Variants in SYTL3 observed in about 807,000 individuals in gnomAD.
The protein encoded by SYTL3 is synaptotagmin like 3.
In SYTL3, 88 loss-of-function variants were observed where a neutral mutation model predicts 82.1. That is an observed-to-expected ratio of 1.07 (90% CI 0.90 to 1.28). SYTL3 has a LOEUF of 1.28. SYTL3 is among the 50% of genes most tolerant of loss of function. The pLI is 0.00. For missense variants in SYTL3, 831 were observed against 757.6 expected, an observed-to-expected ratio of 1.10 and a Z score of -1.14; for synonymous variants, 311 against 289.4, an observed-to-expected ratio of 1.07 and a Z score of -0.76.
intron 6 of SYTL3, among the ~76,000 whole-genome samples, chr6:158,698,936 G>A (rs1780856771): frequency 6.6e-6 from 1 of 152,128 alleles, no homozygotes; most frequent in Admixed American, 6.5e-5. Flanking sequence ...TCTTACACAG[G>A]ATGTTATTCC....
At chr6:158,717,383 T>C (rs982741446) in intron 9 of SYTL3, among the ~76,000 whole-genome samples, 10 of 152,144 alleles carry the variant, frequency 6.6e-5, no homozygotes, top group Non-Finnish European at 1.2e-4. Context: ...ATTGTCTCTC[T>C]GCCGGACAGC....
Position 158,764,478 on chromosome 6 carries a change from GTCTTCCTC to G in SYTL3, c.1724-12_1724-5del. On this transcript the variant is annotated splice_polypyrimidine_tract_variant and intron_variant, in intron 17 of 17. Transcript: ENST00000611299. ...TGCCCTCCCCGACCATGGCTAAATT[GTCTTCCTC>G]TCTTACAGAGGGAGACACAGCTGTT... is the stretch of plus-strand genomic sequence containing the variant. 6.3e-7 allele frequency: 1 copy of G among 1,595,216 alleles called. No homozygotes were observed. Among genetic ancestry groups the G allele is most frequent in the South Asian group, 1.1e-5 (1 of 90,720 alleles).
At chr6:158,696,381 T>G (rs1033351411) in intron 6 of SYTL3, among the ~76,000 whole-genome samples, 4 of 151,200 alleles carry the variant, frequency 2.6e-5, no homozygotes, top group Admixed American at 2.6e-4. Context: ...TTTTTTTGTA[T>G]TTTAGTAGAG....
At chr6:158,722,778 T>TGTTTG (rs1248660267) in intron 10 of SYTL3, among the ~76,000 whole-genome samples, 1 of 144,390 alleles carries the variant, frequency 6.9e-6, no homozygotes, top group African/African-American at 2.6e-5. Flanking sequence ...TTTTTTTTTT[T>TGTTTG]TTTTTTTTTT....
At chr6:158,700,180 C>T (rs1290359535) in intron 6 of SYTL3, among the ~76,000 whole-genome samples, 9 of 151,896 alleles carry the variant, frequency 5.9e-5, no homozygotes, top group East Asian at 1.9e-4. Flanking sequence ...TGCTTGAACC[C>T]GGGAGGCAGA....
At chr6:158,727,689 C>CTTTTTTTTCTTT (rs1784904849) in intron 11 of SYTL3, among the ~76,000 whole-genome samples, 1 of 106,728 alleles carries the variant, frequency 9.4e-6, no homozygotes, top group African/African-American at 4.3e-5. Flanking sequence ...TCCAAGTACT[C>CTTTTTTTTCTTT]TTTTTTTTTT....
At chr6:158,685,705 C>A (rs1429920239) in intron 6 of SYTL3, among the ~76,000 whole-genome samples, 1 of 152,098 alleles carries the variant, frequency 6.6e-6, no homozygotes, top group African/African-American at 2.4e-5. Context: ...GTAATCCCAG[C>A]TACTCGGGAG....
At chr6:158,740,601 A>C (rs755232523) in intron 11 of SYTL3, among the ~76,000 whole-genome samples, 23 of 152,128 alleles carry the variant, frequency 1.5e-4, no homozygotes, top group Non-Finnish European at 2.5e-4. Context: ...TGGCAGTTCA[A>C]GTCTTGCATC....
chr6:158,725,379 C>G, intron 10 of SYTL3, 124 bp from the exon 11 acceptor site: 1 of 1,034,718 alleles, frequency 9.7e-7, no homozygotes, highest in South Asian at 1.5e-5. Context: ...CAGGTGTGTC[C>G]TCCTACTCAG....
chr6:158,749,511 T>C (rs1489447263), intron 12 of SYTL3, among the ~76,000 whole-genome samples: 4 of 135,284 alleles, frequency 3.0e-5, no homozygotes, highest in African/African-American at 8.5e-5. Context: ...TTCTCTCTTT[T>C]TTTTTTTTTT....
chr6:158,718,073 T>C lies in SYTL3; in HGVS notation c.596-14T>C. ...GCTTGTTCCCACCCATCAACCCTTGTGTTTGCCTTTTAGAGCTCTCCAAAT... is the reference window on the plus strand; with the variant it reads ...GCTTGTTCCCACCCATCAACCCTTGCGTTTGCCTTTTAGAGCTCTCCAAAT... On this transcript the variant is annotated splice_polypyrimidine_tract_variant and intron_variant, in intron 9 of 17. Transcript: ENST00000611299. The C allele has an allele frequency of 1.3e-6, 2 of 1,515,868 alleles. No homozygotes were observed. Among genetic ancestry groups the C allele is most frequent in the Non-Finnish European group, 8.8e-7 (1 of 1,130,046 alleles). 93.9% of individuals were successfully genotyped at this position (1,515,868 alleles called of 1,614,324 possible). A position where few individuals can be genotyped will look rare whatever the true frequency, so the allele number is the denominator to read the frequency against.
intron 5 of SYTL3, 68 bp from the exon 6 acceptor site, chr6:158,682,857 A>C: frequency 8.1e-7 from 1 of 1,238,332 alleles, no homozygotes; most frequent in Non-Finnish European, 1.2e-6. Context: ...CCTAACCCTT[A>C]AAAGGGGTAA....
At chr6:158,752,085 C>G (rs894022955) in intron 13 of SYTL3, 55 bp downstream of exon 13, 37 of 1,331,090 alleles carry the variant, frequency 2.8e-5, no homozygotes, top group Non-Finnish European at 3.6e-5. Context: ...GGGTGGAGCG[C>G]CTGGGGCAGA....
intron 5 of SYTL3, among the ~76,000 whole-genome samples, chr6:158,670,714 G>A (rs760767051): frequency 2.6e-5 from 4 of 152,014 alleles, no homozygotes; most frequent in South Asian, 2.1e-4. Flanking sequence ...ACCGGGGGGC[G>A]AAGGTTGCAA....
intron 12 of SYTL3, among the ~76,000 whole-genome samples, chr6:158,747,125 T>A (rs1426649429): frequency 6.6e-6 from 1 of 151,748 alleles, no homozygotes; most frequent in Non-Finnish European, 1.5e-5. Context: ...TAGCTGGGAT[T>A]ACAGGTGCCC....
In SYTL3 at chr6:158,725,419, A is replaced by G. The variant is rs1360965424; in HGVS notation, c.721-84A>G. Reference sequence around the variant, plus strand: ...TTGCATGTTAGTAACATCAAGTCATAGATGCTTGCTGAAGTCACCACATTT... The same window carrying G: ...TTGCATGTTAGTAACATCAAGTCATGGATGCTTGCTGAAGTCACCACATTT... On this transcript the variant is annotated intron_variant, in intron 10 of 17. Transcript: ENST00000611299. 7.4e-6 allele frequency: 11 copies of G among 1,484,102 alleles called. No individual in the cohort carries two copies. The African/African-American group carries it at 1.1e-4, about 15-fold the overall frequency. 91.9% of individuals were successfully genotyped at this position (1,484,102 alleles called of 1,614,324 possible). A position where few individuals can be genotyped will look rare whatever the true frequency, so the allele number is the denominator to read the frequency against.
At chr6:158,700,935 A>G (rs570310150) in intron 6 of SYTL3, among the ~76,000 whole-genome samples, 1 of 152,300 alleles carries the variant, frequency 6.6e-6, no homozygotes, top group South Asian at 2.1e-4. Flanking sequence ...TATAAGCACC[A>G]CCTCTTATAT....
At chr6:158,676,293 A>C (rs962864156) in intron 5 of SYTL3, among the ~76,000 whole-genome samples, 2 of 152,190 alleles carry the variant, frequency 1.3e-5, no homozygotes, top group African/African-American at 4.8e-5. Context: ...TGACAAAAAC[A>C]AGCAATGGGG....
intron 5 of SYTL3, among the ~76,000 whole-genome samples, chr6:158,675,349 C>T (rs764749417): frequency 1.6e-4 from 24 of 152,310 alleles, no homozygotes; most frequent in Non-Finnish European, 2.1e-4. Context: ...TTGATAAAAA[C>T]CCTTTCTTTA....
Sources: allele counts gnomAD v4.1 joint callset (sites outside exome capture counted in the v4.1 genomes callset), GRCh38; gene constraint gnomAD v4.1.1; transcripts MANE v1.5; gene names NCBI Gene and HGNC (gene_info 2026-07-23, HGNC 2026-07-21).